Variants in AFF3 observed in about 807,000 individuals in gnomAD.
AFF3 encodes the protein AF4/FMR2 family member 3.
A neutral mutation model predicts 129.7 loss-of-function variants in AFF3; 32 were observed. The ratio of observed to expected loss-of-function variants is 0.25; its 90% CI spans 0.19 to 0.33. The LOEUF (loss-of-function observed/expected upper bound fraction) is 0.33. AFF3 is among the 10% of genes least tolerant of loss of function. The pLI, the probability that AFF3 is intolerant of heterozygous loss-of-function variation, is 1.00. For missense variants in AFF3, 1,373 were observed against 1,592.0 expected (o/e 0.86, Z 2.34); for synonymous variants, 644 against 635.4 (o/e 1.01, Z -0.20).
intron 4 of AFF3, among the ~76,000 whole-genome samples, chr2:100,024,089 G>A (rs977771791): frequency 1.2e-4 from 18 of 151,674 alleles, no homozygotes; most frequent in East Asian, 3.9e-4. Context: ...AAAATTAGCC[G>A]GGCGTGGTGG....
intron 20 of AFF3, among the ~76,000 whole-genome samples, chr2:99,562,833 G>A (rs550949233): frequency 6.6e-6 from 1 of 152,312 alleles, no homozygotes; most frequent in African/African-American, 2.4e-5. Flanking sequence ...TGGTTCCAAT[G>A]ATAATTTAAT....
intron 7 of AFF3, among the ~76,000 whole-genome samples, chr2:99,862,825 T>C (rs1187568262): frequency 6.6e-6 from 1 of 152,208 alleles, no homozygotes; most frequent in Admixed American, 6.5e-5. Context: ...CACCAAAAGG[T>C]TTCCTCTTCC....
chr2:99,741,255 A>G (rs1680693027), intron 10 of AFF3, among the ~76,000 whole-genome samples: 1 of 152,162 alleles, frequency 6.6e-6, no homozygotes, highest in East Asian at 1.9e-4. Context: ...AGGGTATTCA[A>G]TTAGGAAAAG....
chr2:99,652,281 CAT>C (rs1205330874), intron 12 of AFF3, among the ~76,000 whole-genome samples: 1 of 152,158 alleles, frequency 6.6e-6, no homozygotes, highest in Non-Finnish European at 1.5e-5. Flanking sequence ...CCGGGGCACC[CAT>C]GACTCCCAAA....
At chr2:99,672,695 G>T in intron 11 of AFF3, 106 bp from the exon 12 acceptor site, 2 of 1,061,484 alleles carry the variant, frequency 1.9e-6, no homozygotes, top group Non-Finnish European at 2.8e-6. Flanking sequence ...GCAACATTTT[G>T]GAAATAAGTC....
intron 7 of AFF3, among the ~76,000 whole-genome samples, chr2:99,937,547 T>C (rs1336830966): frequency 6.6e-6 from 1 of 152,078 alleles, no homozygotes; most frequent in Non-Finnish European, 1.5e-5. Context: ...TACAGGCGCC[T>C]GCTACCACGC....
intron 8 of AFF3, among the ~76,000 whole-genome samples, chr2:99,787,866 T>C (rs994143428): frequency 1.3e-5 from 2 of 152,190 alleles, no homozygotes; most frequent in Non-Finnish European, 2.9e-5. Flanking sequence ...CTAAAGTTGT[T>C]ATGATACTTC....
intron 16 of AFF3, among the ~76,000 whole-genome samples, chr2:99,586,545 A>G (rs1390907127): frequency 6.6e-6 from 1 of 152,194 alleles, no homozygotes; most frequent in East Asian, 1.9e-4. Flanking sequence ...TTCAAAATGG[A>G]AAGAGCTTCT....
intron 4 of AFF3, among the ~76,000 whole-genome samples, chr2:100,014,248 T>C (rs1047855613): frequency 3.3e-5 from 5 of 152,082 alleles, no homozygotes; most frequent in African/African-American, 1.2e-4. Context: ...TTTAAAAAAC[T>C]ATCCAAACTA....
intron 4 of AFF3, among the ~76,000 whole-genome samples, chr2:100,032,961 C>T (rs1684626961): frequency 6.6e-6 from 1 of 151,970 alleles, no homozygotes. Flanking sequence ...AGAGTAAGTC[C>T]AACAACCTTA....
At chr2:99,799,420 A>T (rs1416633124) in intron 8 of AFF3, among the ~76,000 whole-genome samples, 1 of 152,026 alleles carries the variant, frequency 6.6e-6, no homozygotes, top group African/African-American at 2.4e-5. Flanking sequence ...GGGGGAGGGT[A>T]GAAAATATAC....
At chr2:100,111,673 T>TA (rs1159763395) in intron 2 of AFF3, among the ~76,000 whole-genome samples, 2 of 152,240 alleles carry the variant, frequency 1.3e-5, no homozygotes, top group Non-Finnish European at 2.9e-5. Context: ...TTTCTACCAA[T>TA]AAACTAATTA....
At chr2:99,721,332 C>A (rs1485615328) in intron 11 of AFF3, among the ~76,000 whole-genome samples, 1 of 152,104 alleles carries the variant, frequency 6.6e-6, no homozygotes, top group Non-Finnish European at 1.5e-5. Context: ...AGATTGAGAT[C>A]ATCCTGGCCA....
rs182720875 is a variant in AFF3 at position 99,790,569 on chromosome 2, T to C, written c.922-38268A>G. ...TCCATTAAGTAGCAACTGAATTTTA[T>C]AGCAGGTTTCAAACAGGGGCAATGT... is the stretch of plus-strand genomic sequence containing the variant. On this transcript the variant is annotated intron_variant, in intron 8 of 24. Coordinates refer to ENST00000672756, the MANE Select transcript of AFF3 (RefSeq NM_001386135.1). Among the ~76,000 whole-genome samples, 678 of 152,316 alleles carry C rather than the reference T, an allele frequency of 4.5e-3. 4 individuals carry two copies. Among genetic ancestry groups the C allele is most frequent in the Admixed American group, 3.8e-3 (58 of 15,296 alleles).
intron 20 of AFF3, among the ~76,000 whole-genome samples, chr2:99,563,345 C>T (rs990709490): frequency 1.3e-5 from 2 of 151,784 alleles, no homozygotes; most frequent in Non-Finnish European, 2.9e-5. Context: ...TGCCGGCCAC[C>T]ACGCCCGGCT....
chr2:99,956,595 T>C (rs147767185), intron 7 of AFF3, among the ~76,000 whole-genome samples: 246 of 152,344 alleles, frequency 1.6e-3, no homozygotes, highest in South Asian at 0.012. Flanking sequence ...GTTTTTACAT[T>C]AAAATAAATT....
chr2:100,051,886 G>A (rs928475976), intron 4 of AFF3, among the ~76,000 whole-genome samples: 2 of 152,198 alleles, frequency 1.3e-5, no homozygotes, highest in Non-Finnish European at 2.9e-5. Flanking sequence ...ATCAATTAAA[G>A]CCAAGATCAG....
At chr2:99,655,368 A>G (rs1685659566) in intron 12 of AFF3, among the ~76,000 whole-genome samples, 1 of 152,156 alleles carries the variant, frequency 6.6e-6, no homozygotes, top group Non-Finnish European at 1.5e-5. Flanking sequence ...AAGGCTTACT[A>G]AGTAAGAAAT....
intron 7 of AFF3, among the ~76,000 whole-genome samples, chr2:99,950,326 T>C (rs1676027557): frequency 6.6e-6 from 1 of 152,216 alleles, no homozygotes; most frequent in African/African-American, 2.4e-5. Flanking sequence ...TCATTTTACT[T>C]TAACCTGTCA....
Sources: allele counts gnomAD v4.1 joint callset (sites outside exome capture counted in the v4.1 genomes callset), GRCh38; gene constraint gnomAD v4.1.1; transcripts MANE v1.5; gene names NCBI Gene and HGNC (gene_info 2026-07-23, HGNC 2026-07-21).